GLCE: variants seen among roughly 807,000 people sequenced by gnomAD.
GLCE encodes D-glucuronyl C5-epimerase.
In GLCE, 19 loss-of-function variants were observed where a neutral mutation model predicts 47.9. The observed-to-expected ratio is 0.40, with a 90% CI of 0.28 to 0.58. The LOEUF is 0.58. Ranked by LOEUF, GLCE falls within the 20% of genes least tolerant of loss-of-function variation. The pLI is 0.48. For synonymous variants in GLCE, 245 were observed against 263.4 expected (o/e 0.93, Z 0.68); for missense variants, 556 against 743.3 (o/e 0.75, Z 2.93).
At chr15:69,267,917 T>A (rs1260061071) in intron 4 of GLCE, among the ~76,000 whole-genome samples, 2 of 151,508 alleles carry the variant, frequency 1.3e-5, no homozygotes, top group Admixed American at 6.6e-5. Flanking sequence ...AGTACTAGAT[T>A]TAGGAAAGGC....
intron 1 of GLCE, among the ~76,000 whole-genome samples, chr15:69,181,063 G>C (rs2051742417): frequency 6.6e-6 from 1 of 152,174 alleles, no homozygotes; most frequent in African/African-American, 2.4e-5. Flanking sequence ...AGAGAAAAAA[G>C]AGGGAGGCAC....
At chr15:69,231,357 C>T (rs2052518288) in intron 2 of GLCE, among the ~76,000 whole-genome samples, 1 of 151,050 alleles carries the variant, frequency 6.6e-6, no homozygotes. Flanking sequence ...GATCTTGCCT[C>T]ACTGTAAACT....
chr15:69,189,789 T>A (rs2051886449), intron 1 of GLCE, among the ~76,000 whole-genome samples: 1 of 152,160 alleles, frequency 6.6e-6, no homozygotes, highest in African/African-American at 2.4e-5. Flanking sequence ...ACTTACTGCT[T>A]AGGATTAGCT....
intron 2 of GLCE, among the ~76,000 whole-genome samples, chr15:69,230,144 G>A (rs2052501954): frequency 6.6e-6 from 1 of 151,220 alleles, no homozygotes; most frequent in East Asian, 2.0e-4. Flanking sequence ...GAAGGCAGAG[G>A]TTACAGTGAG....
chr15:69,249,451 C>A (rs1054189883), intron 2 of GLCE, among the ~76,000 whole-genome samples: 1 of 152,106 alleles, frequency 6.6e-6, no homozygotes, highest in Non-Finnish European at 1.5e-5. Context: ...TTGATCAAAA[C>A]AATCAGTGAG....
At chr15:69,249,492 A>T (rs1300089936) in intron 2 of GLCE, among the ~76,000 whole-genome samples, 1 of 152,210 alleles carries the variant, frequency 6.6e-6, no homozygotes, top group Non-Finnish European at 1.5e-5. Context: ...TTACTATTTC[A>T]TCTACTTACT....
chr15:69,191,243 G>A (rs1166855717), intron 1 of GLCE, among the ~76,000 whole-genome samples: 2 of 151,968 alleles, frequency 1.3e-5, no homozygotes, highest in Non-Finnish European at 2.9e-5. Flanking sequence ...AGTTCTACTG[G>A]TGACAGATTT....
intron 2 of GLCE, among the ~76,000 whole-genome samples, chr15:69,217,017 C>G (rs2052316688): frequency 6.6e-6 from 1 of 151,998 alleles, no homozygotes; most frequent in African/African-American, 2.4e-5. Context: ...ATAAGCGTAC[C>G]TCTTTAAATG....
chr15:69,239,082 T>C (rs765205304), intron 2 of GLCE, among the ~76,000 whole-genome samples: 1 of 152,170 alleles, frequency 6.6e-6, no homozygotes, highest in Non-Finnish European at 1.5e-5. Context: ...TCCTTAATAA[T>C]AGAACCCGGT....
intron 2 of GLCE, among the ~76,000 whole-genome samples, chr15:69,214,092 G>A (rs1311362324): frequency 1.3e-5 from 2 of 151,632 alleles, no homozygotes; most frequent in African/African-American, 2.4e-5. Context: ...CCCTGCTTTA[G>A]TCCTGAAATC....
intron 3 of GLCE, among the ~76,000 whole-genome samples, chr15:69,257,421 C>A (rs1442732323): frequency 6.6e-6 from 1 of 152,178 alleles, no homozygotes; most frequent in African/African-American, 2.4e-5. Context: ...TTACTGCAGT[C>A]TCGATCTCCC....
chr15:69,190,256 T>G (rs2051893991), intron 1 of GLCE, among the ~76,000 whole-genome samples: 1 of 152,140 alleles, frequency 6.6e-6, no homozygotes, highest in African/African-American at 2.4e-5. Context: ...TGAAAAGATG[T>G]GTATTCTGCT....
chr15:69,236,632 G>GA (rs2052597218), intron 2 of GLCE, among the ~76,000 whole-genome samples: 1 of 152,092 alleles, frequency 6.6e-6, no homozygotes, highest in Non-Finnish European at 1.5e-5. Context: ...CGCTCTAAAA[G>GA]AAAAATGGAA....
rs908780029 is a variant in GLCE at position 69,160,980 on chromosome 15, C to A, written c.-105+223C>A. Among the ~76,000 whole-genome samples, 1 of 151,008 alleles carries A rather than the reference C, an allele frequency of 6.6e-6. No individual in the cohort carries two copies. Among genetic ancestry groups the A allele is most frequent in the African/African-American group, 2.4e-5 (1 of 41,004 alleles). ...GGCGGTGTAGCGGGTGCCGGAGCTC[C>A]CGAGGTGAGGGGGCAATGTATTAGG... is the stretch of plus-strand genomic sequence containing the variant. On this transcript the variant is annotated intron_variant, in intron 1 of 4. Transcript: ENST00000261858. This position sits in a 1 kb window ranked among gnomAD's most constrained non-coding sequence, Gnocchi z 4.2.
At chr15:69,238,166 A>G (rs900735099) in intron 2 of GLCE, among the ~76,000 whole-genome samples, 7 of 152,330 alleles carry the variant, frequency 4.6e-5, no homozygotes, top group Admixed American at 1.3e-4. Flanking sequence ...CTTTTTAAAA[A>G]CATATTTTAG....
At chr15:69,261,996 T>C (rs1257327921) in intron 4 of GLCE, among the ~76,000 whole-genome samples, 1 of 152,132 alleles carries the variant, frequency 6.6e-6, no homozygotes, top group Non-Finnish European at 1.5e-5. Flanking sequence ...GACAATGAAA[T>C]AATTTTAGTT....
chr15:69,258,381 C>A (rs576385771), intron 3 of GLCE, among the ~76,000 whole-genome samples: 1 of 152,214 alleles, frequency 6.6e-6, no homozygotes, highest in East Asian at 1.9e-4. Context: ...AAATTCAGAT[C>A]ATACTGTATG....
At chr15:69,263,484 A>C (rs980267433) in intron 4 of GLCE, among the ~76,000 whole-genome samples, 3 of 152,152 alleles carry the variant, frequency 2.0e-5, no homozygotes, top group Non-Finnish European at 4.4e-5. Flanking sequence ...ATAAAATCAA[A>C]TATGAGTGAA....
chr15:69,225,056 A>G (rs1175574901), intron 2 of GLCE, among the ~76,000 whole-genome samples: 2 of 152,198 alleles, frequency 1.3e-5, no homozygotes, highest in African/African-American at 2.4e-5. Context: ...CAAGATAACT[A>G]TGCTGGTGGT....
Sources: allele counts gnomAD v4.1 joint callset (sites outside exome capture counted in the v4.1 genomes callset), GRCh38; gene constraint gnomAD v4.1.1; non-coding constraint Gnocchi (gnomAD v3.1); transcripts MANE v1.5; gene names NCBI Gene and HGNC (gene_info 2026-07-23, HGNC 2026-07-21).